C4orf50: variants seen among roughly 807,000 people sequenced by gnomAD.
C4orf50 encodes the protein uncharacterized protein C4orf50.
Under a neutral mutation model 77.2 loss-of-function variants are expected in C4orf50, and 80 were observed. The observed-to-expected ratio is 1.04, with a 90% CI of 0.87 to 1.25. C4orf50 has a LOEUF of 1.25. Among genes scored for constraint, C4orf50 ranks in the 50% most tolerant of loss-of-function variants. The pLI is 0.00. For synonymous variants in C4orf50, 532 were observed against 465.3 expected, an observed-to-expected ratio of 1.14 and a Z score of -1.84; for missense variants, 1,257 against 1,152.9, an observed-to-expected ratio of 1.09 and a Z score of -1.31.
rs905499756 is a variant in C4orf50 at position 5,901,500 on chromosome 4, C to T, written c.*2475-3312G>A. On this transcript the variant is annotated intron_variant, in intron 7 of 7. Transcript: ENST00000324058. The surrounding 1 kb of genome is among the most constrained non-coding windows in gnomAD (Gnocchi z 4.4). ...AAACCCTAACCTGTTTCTCCTACAT[C>T]GGGTGGTCTCTGTCATCTCTCTAGA... 2.0e-5 allele frequency: 3 copies of T among 152,352 alleles called. No homozygotes were observed. The highest frequency in any genetic ancestry group is 2.9e-5 in the Non-Finnish European group (2 of 68,044). The allele number at this position is 152,352 out of a possible 1,614,324, so 9.4% of individuals were successfully genotyped here.
intron 7 of C4orf50, among the ~76,000 whole-genome samples, chr4:5,948,159 G>A (rs1718560860): frequency 6.6e-6 from 1 of 152,232 alleles, no homozygotes; most frequent in Non-Finnish European, 1.5e-5. Flanking sequence ...AAATGCTGGA[G>A]ACTGAGAGAG....
Position 6,000,976 on chromosome 4 carries a change from C to A in C4orf50, c.964-6500G>T, listed in dbSNP as rs567632508. Among the ~76,000 whole-genome samples, 1 of 152,126 alleles carries A rather than the reference C, an allele frequency of 6.6e-6. No homozygotes were observed. Among genetic ancestry groups the A allele is most frequent in the African/African-American group, 2.4e-5 (1 of 41,396 alleles). ...AACCCATCGGTAAGTGGCAGGAGAG[C>A]CCACCTCCACCGGAAGTTAGAGCAA... On this transcript the variant is annotated intron_variant, in intron 25 of 33. Transcript: ENST00000531445. The surrounding 1 kb of genome is among the most constrained non-coding windows in gnomAD (Gnocchi z 6.0).
intron 25 of C4orf50, among the ~76,000 whole-genome samples, chr4:6,006,708 T>C (rs1722264755): frequency 6.6e-6 from 1 of 152,158 alleles, no homozygotes; most frequent in Non-Finnish European, 1.5e-5. Flanking sequence ...TTTAAGAAGC[T>C]TGCCCAAGGT....
At chr4:5,975,578 C>G (rs561704864) in intron 30 of C4orf50, among the ~76,000 whole-genome samples, 22 of 152,222 alleles carry the variant, frequency 1.4e-4, no homozygotes, top group African/African-American at 5.1e-4. Flanking sequence ...GTGACGTGAT[C>G]TCGGCTCACT....
chr4:6,011,616 C>T lies in C4orf50; in HGVS notation c.426+214G>A, dbSNP rs1722496722. On this transcript the variant is annotated intron_variant, in intron 24 of 33. Coordinates refer to ENST00000531445, the Ensembl canonical transcript of C4orf50. The surrounding 1 kb of genome is among the most constrained non-coding windows in gnomAD (Gnocchi z 4.2). Reference sequence around the variant, plus strand: ...GCGCTGAGGTCCTCAGGCACAAGAGCTTCCAGCAAGTGTACAGCCCCCACC... The same window carrying T: ...GCGCTGAGGTCCTCAGGCACAAGAGTTTCCAGCAAGTGTACAGCCCCCACC... Among the ~76,000 whole-genome samples the T allele has an allele frequency of 6.6e-6, 1 of 152,192 alleles. No homozygotes were observed. Among genetic ancestry groups the T allele is most frequent in the African/African-American group, 2.4e-5 (1 of 41,440 alleles).
chr4:5,911,341 G>A (rs939902438), intron 7 of C4orf50, among the ~76,000 whole-genome samples: 4 of 152,216 alleles, frequency 2.6e-5, no homozygotes, highest in African/African-American at 7.2e-5. Flanking sequence ...CCCACCAGCT[G>A]TGCCAGGGAA....
chr4:5,946,816 C>T (rs56358856), intron 7 of C4orf50, among the ~76,000 whole-genome samples: 50,203 of 152,192 alleles, frequency 0.33, 8,707 homozygotes, highest in Non-Finnish European at 0.37. Flanking sequence ...GATGTGCTCT[C>T]GCCATTATTA....
chr4:5,988,319 A>G, intron 28 of C4orf50, 28 bp downstream of exon 6: 2 of 1,605,306 alleles, frequency 1.2e-6, no homozygotes, highest in Non-Finnish European at 1.7e-6. Context: ...ATGCGTGATG[A>G]GTAAGCAGAT....
At chr4:5,929,783 G>C (rs1297896764) in intron 7 of C4orf50, among the ~76,000 whole-genome samples, 1 of 152,238 alleles carries the variant, frequency 6.6e-6, no homozygotes, top group Non-Finnish European at 1.5e-5. Flanking sequence ...GAGAGAGTCA[G>C]AAGTTCAAGT....
rs1722483119 is a variant in C4orf50, at chr4:6,011,261, C to T, written c.426+569G>A. 6.6e-6 allele frequency among the ~76,000 whole-genome samples: 1 copy of T among 152,194 alleles called. No individual in the cohort carries two copies. The highest frequency in any genetic ancestry group is 1.5e-5 in the Non-Finnish European group (1 of 68,024). Reference sequence around the variant, plus strand: ...TGCAGCGGAGTTGGCCACCTGGCCCCTCTGGAACTTTCCGACTCACCCACT... The same window carrying T: ...TGCAGCGGAGTTGGCCACCTGGCCCTTCTGGAACTTTCCGACTCACCCACT... On this transcript the variant is annotated intron_variant, in intron 24 of 33. Transcript: ENST00000531445. This position sits in a 1 kb window ranked among gnomAD's most constrained non-coding sequence, Gnocchi z 4.2.
At chr4:5,907,086 G>C (rs1482626725) in intron 7 of C4orf50, among the ~76,000 whole-genome samples, 3 of 152,150 alleles carry the variant, frequency 2.0e-5, no homozygotes, top group African/African-American at 7.2e-5. Context: ...ATAAGCACCT[G>C]GCATCTGGGT....
exon 26 of C4orf50, chr4:5,994,394 C>G: frequency 2.5e-6 from 1 of 399,328 alleles, no homozygotes; most frequent in Non-Finnish European, 4.4e-6. Context: ...CAGGGAGTTC[C>G]GCCAGTCTTG....
At chr4:5,969,098 G>A (rs1719752038) in intron 31 of C4orf50, among the ~76,000 whole-genome samples, 1 of 152,108 alleles carries the variant, frequency 6.6e-6, no homozygotes. Flanking sequence ...GTTCTTTGTA[G>A]GGATCCACCA....
chr4:5,983,724 C>T (rs1399625834), intron 28 of C4orf50, among the ~76,000 whole-genome samples: 1 of 152,264 alleles, frequency 6.6e-6, no homozygotes, highest in South Asian at 2.1e-4. Context: ...ACAATGGTCT[C>T]GAAAATAGAG....
rs115515423 is a variant in C4orf50 at position 6,000,954 on chromosome 4, C to T, written c.964-6478G>A. ...GTGCTGAGTCCCCTCCAAGGGCAAC[C>T]CATCGGTAAGTGGCAGGAGAGCCCA... is the stretch of plus-strand genomic sequence containing the variant. On this transcript the variant is annotated intron_variant, in intron 25 of 33. Coordinates refer to ENST00000531445, the Ensembl canonical transcript of C4orf50. The surrounding 1 kb of genome is among the most constrained non-coding windows in gnomAD (Gnocchi z 6.0). Among the ~76,000 whole-genome samples, 1,557 of 152,210 alleles carry T rather than the reference C, an allele frequency of 0.01. 18 individuals are homozygous for T. Among genetic ancestry groups the T allele is most frequent in the African/African-American group, 0.036 (1,490 of 41,512 alleles).
exon 28 of C4orf50, chr4:5,988,728 C>T (rs766144964): frequency 4.0e-4 from 621 of 1,536,032 alleles, no homozygotes; most frequent in Non-Finnish European, 5.0e-4. Flanking sequence ...CCGTGCTCCT[C>T]TGCAAGGTGA....
Position 6,018,247 on chromosome 4 carries a change from T to G in C4orf50, c.185A>C (p.Asp62Ala). The G allele has an allele frequency of 2.5e-6, 1 of 399,036 alleles. No homozygotes were observed. The highest frequency in any genetic ancestry group is 4.4e-6 in the Non-Finnish European group (1 of 226,082). The allele number at this position is 399,036 out of a possible 1,614,324, so 24.7% of individuals were successfully genotyped here. The change falls in exon 23 of 34, where the codon GAC (aspartate) becomes GCC (alanine). Residue 62 changes from aspartate to alanine, a missense_variant. By Grantham distance (126) the Asp-to-Ala change is moderately radical (BLOSUM62 -2). Transcript: ENST00000531445. The surrounding 1 kb of genome is among the most constrained non-coding windows in gnomAD (Gnocchi z 5.1). ...CCTCCTGAGCGCACCCATATCCATG[T>G]CTGGGCGGCCAGCTGCTTCTTCCTG...
In C4orf50 at chr4:6,018,498, G is replaced by T; in HGVS notation, c.-67C>A. On this transcript the variant is annotated 5_prime_UTR_variant, in exon 23 of 34. Coordinates refer to ENST00000531445, the Ensembl canonical transcript of C4orf50. This position sits in a 1 kb window ranked among gnomAD's most constrained non-coding sequence, Gnocchi z 5.1. Reference sequence around the variant, plus strand: ...AGTGAGTTTGCAACATTGACTTCCCGGAGATTTCAAGGTGGTGTTTGTGAC... The same window carrying T: ...AGTGAGTTTGCAACATTGACTTCCCTGAGATTTCAAGGTGGTGTTTGTGAC... 2.5e-6 allele frequency: 1 copy of T among 398,438 alleles called. No individual in the cohort carries two copies. Among genetic ancestry groups the T allele is most frequent in the Non-Finnish European group, 4.4e-6 (1 of 226,050 alleles). The allele number at this position is 398,438 out of a possible 1,614,324, so 24.7% of individuals were successfully genotyped here.
chr4:5,976,036 G>A (rs1173867178), intron 29 of C4orf50, 81 bp from the exon 8 acceptor site: 3 of 1,200,654 alleles, frequency 2.5e-6, no homozygotes, highest in Non-Finnish European at 3.7e-6. Context: ...GCTGGGCTCA[G>A]AACAGCTGGC....
Sources: allele counts gnomAD v4.1 joint callset (sites outside exome capture counted in the v4.1 genomes callset), GRCh38; gene constraint gnomAD v4.1.1; non-coding constraint Gnocchi (gnomAD v3.1); transcripts MANE v1.5; gene names NCBI Gene and HGNC (gene_info 2026-07-23, HGNC 2026-07-21).